FKBP8: variants seen among roughly 807,000 people sequenced by gnomAD.
FKBP8 encodes peptidyl-prolyl cis-trans isomerase FKBP8.
A neutral mutation model predicts 41.7 loss-of-function variants in FKBP8; 5 were observed. The observed-to-expected ratio is 0.12, with a 90% CI of 0.06 to 0.25. The LOEUF (loss-of-function observed/expected upper bound fraction) is 0.25, where lower values mean the gene tolerates loss of function less well. Among genes scored for constraint, FKBP8 ranks in the 10% least tolerant of loss-of-function variants. The probability of loss-of-function intolerance (pLI) is 1.00; values close to 1 mark genes in which losing one functional copy is unlikely to be tolerated. For missense variants in FKBP8, 397 were observed against 563.0 expected (o/e 0.71, Z 2.98); for synonymous variants, 279 against 254.5 (o/e 1.10, Z -0.92).
At position 18,541,682 on chromosome 19, in the gene FKBP8, G is replaced by A; in HGVS notation, c.289C>T (p.Leu97=). The A allele has an allele frequency of 1.2e-6, 2 of 1,605,072 alleles. No individual in the cohort carries two copies. The highest frequency in any genetic ancestry group is 2.2e-5 in the East Asian group (1 of 44,756). Reference sequence around the variant, plus strand: ...CTGATCCACCTTTGCTCCTTACCCAGAATGTCCAGCCACTCTTCTGGGGCC... The same window carrying A: ...CTGATCCACCTTTGCTCCTTACCCAAAATGTCCAGCCACTCTTCTGGGGCC... ...APAPEEWLDI[L]GNGLLRKKTL... is the part of the protein sequence containing the mutation. The change falls in exon 2 of 9, where the codon CTG becomes TTG. Residue 97 remains leucine, a synonymous_variant. Transcript: ENST00000608443.
chr19:18,539,469 G>A lies in FKBP8; in HGVS notation c.463-10C>T, dbSNP rs538198330. 28 of 1,612,944 alleles carry A rather than the reference G, an allele frequency of 1.7e-5. No individual in the cohort carries two copies. In the East Asian group the frequency reaches 2.0e-4, roughly 12 times the overall value. The stretch of plus-strand genomic sequence containing the variant: ...CACTGAGATCCAGGGCCTGGGGTGT[G>A]TGGGGATAGCCAGCTGTCAGGCAGA... On this transcript the variant is annotated splice_polypyrimidine_tract_variant and intron_variant, in intron 3 of 8. Coordinates refer to ENST00000608443, the MANE Select transcript of FKBP8 (RefSeq NM_012181.5).
Position 18,539,385 on chromosome 19 carries a change from G to A in FKBP8, c.537C>T (p.Tyr179=), listed in dbSNP as rs150270075. The A allele has an allele frequency of 1.3e-4, 207 of 1,612,992 alleles. 4 individuals are homozygous for A. In the African/African-American group the frequency reaches 2.0e-3, roughly 16 times the overall value. Residue 179 remains tyrosine, a synonymous_variant, in exon 4 of 9, where the codon TAC becomes TAT. Coordinates refer to ENST00000608443, the MANE Select transcript of FKBP8 (RefSeq NM_012181.5). ...CTGACTCTCACCTGCCTTGGGGGCC[G>A]TAGCAGTACTTGGAGTCAGCAGTGA... The part of the protein sequence containing the change: ...AMVTADSKYC[Y]GPQGSRSPYI...
rs750954282 is a variant in FKBP8 at position 18,539,715 on chromosome 19, C to A, written c.298G>T (p.Gly100Trp). ...ACCAGCGTCTTCTTCCTCAACAGCC[C>A]GTTCCCTGCCAGGGTCCAGGGACAT... Reference protein sequence around the residue: ...PEEWLDILGNGLLRKKTLVPG... With the variant: ...PEEWLDILGNWLLRKKTLVPG... Residue 100 changes from glycine (G) to tryptophan (W), a missense_variant, in exon 3 of 9, where the codon GGG (glycine) becomes TGG (tryptophan). Gly to Trp is a radical substitution (Grantham distance 184, BLOSUM62 -2). Transcript: ENST00000608443. The A allele has an allele frequency of 1.0e-5, 16 of 1,606,858 alleles. No homozygotes were observed. Among genetic ancestry groups the A allele is most frequent in the Non-Finnish European group, 1.0e-5 (12 of 1,179,976 alleles).
chr19:18,540,153 G>C (rs911143603), intron 2 of FKBP8, among the ~76,000 whole-genome samples: 1 of 152,142 alleles, frequency 6.6e-6, no homozygotes, highest in Non-Finnish European at 1.5e-5. Flanking sequence ...CCAAAGCTCA[G>C]AGAGGACAAA....
At chr19:18,533,618 T>C (rs571327500) in intron 6 of FKBP8, among the ~76,000 whole-genome samples, 1 of 151,614 alleles carries the variant, frequency 6.6e-6, no homozygotes, top group South Asian at 2.1e-4. Context: ...GGTGGGAGGA[T>C]TGCTTGAACC....
At position 18,532,698 on chromosome 19, in the gene FKBP8, C is replaced by G; in HGVS notation, c.1121G>C (p.Arg374Pro). Residue 374 changes from arginine to proline, a missense_variant, in exon 8 of 9, where the codon CGG becomes CCG. Around this residue, in one of 2 missense-constraint regions of FKBP8, gnomAD observed 225 missense variants for 366.8 expected, o/e 0.61. Coordinates refer to ENST00000608443, the MANE Select transcript of FKBP8 (RefSeq NM_012181.5). ...CTTGCCAGGGCACTTAGCAGGCAGC[C>G]GGCTGGGGTTGCCCAGCATTTTCCG... is the stretch of plus-strand genomic sequence containing the variant. ...LYRKMLGNPS[R>P]LPAKCPGKGA... 6.2e-7 allele frequency: 1 copy of G among 1,614,062 alleles called. No homozygotes were observed. The highest frequency in any genetic ancestry group is 8.5e-7 in the Non-Finnish European group (1 of 1,180,040).
chr19:18,538,221 G>A lies in FKBP8; in HGVS notation c.767C>T (p.Ala256Val). The change falls in exon 5 of 9, where the codon GCC becomes GTC. Residue 256 changes from alanine to valine, a missense_variant. By Grantham distance (64) the Ala-to-Val change is moderately conservative. This residue lies in a region of FKBP8 where 225 missense variants were observed against 366.8 expected (regional missense o/e 0.61). Transcript: ENST00000608443. This position sits in a 1 kb window ranked among gnomAD's most constrained non-coding sequence, Gnocchi z 4.0. ...GATCTGACCCAGGCGGTCACCTTTG[G>A]CGCTGGAGGTGATAGCCTTGATGGC... ...DLAIKAITSS[A>V]KVDMTFEEEA... is the part of the protein sequence containing the mutation. 1 of 1,605,362 alleles carries A rather than the reference G, an allele frequency of 6.2e-7. No individual in the cohort carries two copies. The highest frequency in any genetic ancestry group is 8.5e-7 in the Non-Finnish European group (1 of 1,173,730).
chr19:18,540,218 C>A (rs796935207), intron 2 of FKBP8, among the ~76,000 whole-genome samples: 12 of 152,200 alleles, frequency 7.9e-5, no homozygotes, highest in African/African-American at 2.9e-4. Context: ...GTTTACCCAG[C>A]CATGAAATGA....
At position 18,537,866 on chromosome 19, in the gene FKBP8, A is replaced by C; in HGVS notation, c.773-93T>G. On this transcript the variant is annotated intron_variant, in intron 5 of 8. Coordinates refer to ENST00000608443, the MANE Select transcript of FKBP8 (RefSeq NM_012181.5). This position sits in a 1 kb window ranked among gnomAD's most constrained non-coding sequence, Gnocchi z 4.4. Reference sequence around the variant, plus strand: ...CTGCGGAGGCTGCCTCTCTGGCCTCAGTTTCCCCAATTTTAACCCCGGACC... The same window carrying C: ...CTGCGGAGGCTGCCTCTCTGGCCTCCGTTTCCCCAATTTTAACCCCGGACC... The C allele has an allele frequency of 2.2e-6, 3 of 1,382,232 alleles. No homozygotes were observed. Among genetic ancestry groups the C allele is most frequent in the Non-Finnish European group, 3.0e-6 (3 of 1,016,346 alleles). The allele number at this position is 1,382,232 out of a possible 1,614,324, so 85.6% of individuals were successfully genotyped here.
chr19:18,540,481 C>T (rs769603772), intron 2 of FKBP8, among the ~76,000 whole-genome samples: 14 of 152,006 alleles, frequency 9.2e-5, no homozygotes, highest in Non-Finnish European at 1.9e-4. Context: ...CACCTGTAAC[C>T]CCAGCACTTT....
chr19:18,543,040 G>T (rs1372167534), intron 1 of FKBP8: 3 of 386,140 alleles, frequency 7.8e-6, no homozygotes, highest in Non-Finnish European at 1.3e-5. Context: ...CCCCACAGCC[G>T]CTCCGTCTCG....
intron 6 of FKBP8, among the ~76,000 whole-genome samples, chr19:18,534,242 A>ACTGGGAGGCGGAG (rs1307406418): frequency 6.9e-6 from 1 of 144,982 alleles, no homozygotes; most frequent in Non-Finnish European, 1.5e-5. Flanking sequence ...AGGAGGCAGC[A>ACTGGGAGGCGGAG]CTTGCAGTGA....
At chr19:18,533,484 C>CA in intron 6 of FKBP8, 137 bp from the exon 7 acceptor site, 1 of 504,480 alleles carries the variant, frequency 2.0e-6, no homozygotes, top group Non-Finnish European at 3.4e-6. Flanking sequence ...GACTCCATCT[C>CA]AAAAAATAAA....
chr19:18,535,780 G>C (rs891751649), intron 6 of FKBP8, among the ~76,000 whole-genome samples: 1 of 151,380 alleles, frequency 6.6e-6, no homozygotes, highest in African/African-American at 2.4e-5. Context: ...TTCCAGGGGG[G>C]AGGGGGGAGC....
intron 6 of FKBP8, among the ~76,000 whole-genome samples, chr19:18,533,971 T>C (rs1212895311): frequency 7.7e-6 from 1 of 130,616 alleles, no homozygotes; most frequent in Admixed American, 8.4e-5. Flanking sequence ...ATCGTGCCAC[T>C]GCACTCCAGC....
At position 18,538,543 on chromosome 19, in the gene FKBP8, C is replaced by G; in HGVS notation, c.552-107G>C. The G allele has an allele frequency of 1.2e-6, 1 of 858,194 alleles. No individual in the cohort carries two copies. The highest frequency in any genetic ancestry group is 1.7e-5 in the South Asian group (1 of 57,522). The allele number at this position is 858,194 out of a possible 1,614,324, so 53.2% of individuals were successfully genotyped here. On this transcript the variant is annotated intron_variant, in intron 4 of 8. Transcript: ENST00000608443. This position sits in a 1 kb window ranked among gnomAD's most constrained non-coding sequence, Gnocchi z 4.0. ...TTGGCTCAAGCCCCCGATCTGTCTC[C>G]CCTCTGCCCTCCATCATTCCCTCCT...
chr19:18,533,042 C>G (rs1976485234), intron 7 of FKBP8: 1 of 708,914 alleles, frequency 1.4e-6, no homozygotes, highest in Non-Finnish European at 2.3e-6. Context: ...AGGACACTGG[C>G]ATGGAGCAGG....
At chr19:18,543,204 G>A in intron 1 of FKBP8, 2 of 231,590 alleles carry the variant, frequency 8.6e-6, no homozygotes, top group South Asian at 7.6e-5. Flanking sequence ...CCAGTCTGGG[G>A]CACCCGACCC....
rs1341140154 is a variant in FKBP8 at position 18,539,624 on chromosome 19, G to A, written c.389C>T (p.Ser130Leu). 1 of 1,613,034 alleles carries A rather than the reference G, an allele frequency of 6.2e-7. No individual in the cohort carries two copies. Among genetic ancestry groups the A allele is most frequent in the Non-Finnish European group, 8.5e-7 (1 of 1,180,020 alleles). Residue 130 changes from serine (S) to leucine (L), a missense_variant, in exon 3 of 9, where the codon TCG (serine) becomes TTG (leucine). Ser to Leu is a moderately radical substitution (Grantham distance 145). Around this residue, in one of 2 missense-constraint regions of FKBP8, gnomAD observed 172 missense variants for 196.2 expected, o/e 0.88. Transcript: ENST00000608443. ...GQVVTVHLQT[S>L]LENGTRVQEE... ...CTGCACCCGTGTGCCATTCTCCAGC[G>A]ACGTCTGCAGATGTACGGTGACCAC...
Sources: allele counts gnomAD v4.1 joint callset (sites outside exome capture counted in the v4.1 genomes callset), GRCh38; gene constraint gnomAD v4.1.1; regional missense constraint gnomAD v4.1.1; non-coding constraint Gnocchi (gnomAD v3.1); transcripts MANE v1.5; gene names NCBI Gene and HGNC (gene_info 2026-07-23, HGNC 2026-07-21).